Variants in RGS7 observed in about 807,000 individuals in gnomAD.
RGS7 encodes regulator of G protein signaling 7, also known as regulator of G-protein signaling 7.
In RGS7, 27 loss-of-function variants were observed where a neutral mutation model predicts 81.1. That is an observed-to-expected ratio of 0.33 (90% CI 0.25 to 0.46). The LOEUF is 0.46. Among genes scored for constraint, RGS7 ranks in the 20% least tolerant of loss-of-function variants. The probability of loss-of-function intolerance (pLI) is 1.00; values close to 1 mark genes in which losing one functional copy is unlikely to be tolerated. For synonymous variants in RGS7, 208 were observed against 207.7 expected (o/e 1.00, Z -0.01); for missense variants, 396 against 607.4 (o/e 0.65, Z 3.66).
At chr1:241,003,830 C>T (rs974285394) in intron 3 of RGS7, among the ~76,000 whole-genome samples, 4 of 152,128 alleles carry the variant, frequency 2.6e-5, no homozygotes, top group Non-Finnish European at 4.4e-5. Context: ...CTCACTGCAA[C>T]CTCCGCCTCC....
chr1:241,201,975 C>T (rs2073533281), intron 2 of RGS7, among the ~76,000 whole-genome samples: 1 of 149,250 alleles, frequency 6.7e-6, no homozygotes. Flanking sequence ...TATTTCAGCC[C>T]ACTACCTCAA....
chr1:240,937,253 C>G (rs975899304), intron 4 of RGS7, among the ~76,000 whole-genome samples: 1 of 152,194 alleles, frequency 6.6e-6, no homozygotes, highest in African/African-American at 2.4e-5. Context: ...TCGGTGTGCT[C>G]TCGCAGTGGC....
chr1:241,131,615 TA>T (rs1348244195), intron 2 of RGS7, among the ~76,000 whole-genome samples: 2 of 152,092 alleles, frequency 1.3e-5, no homozygotes, highest in East Asian at 3.8e-4. Flanking sequence ...GAAAAGCATT[TA>T]AAAAGCAAAA....
intron 3 of RGS7, among the ~76,000 whole-genome samples, chr1:241,056,069 C>T (rs2061463740): frequency 6.6e-6 from 1 of 152,088 alleles, no homozygotes; most frequent in South Asian, 2.1e-4. Flanking sequence ...ATGATCTGGC[C>T]CATGACTACC....
chr1:241,055,704 G>A (rs2061442952), intron 3 of RGS7, among the ~76,000 whole-genome samples: 1 of 152,146 alleles, frequency 6.6e-6, no homozygotes, highest in Non-Finnish European at 1.5e-5. Context: ...GATTTTTATG[G>A]AGGCATCATT....
chr1:241,145,930 C>T (rs1003942371), intron 2 of RGS7, among the ~76,000 whole-genome samples: 1 of 152,100 alleles, frequency 6.6e-6, no homozygotes, highest in South Asian at 2.1e-4. Flanking sequence ...GAGGAAGATA[C>T]AAGATAAGAT....
At chr1:241,354,075 G>A (rs1050587404) in intron 2 of RGS7, among the ~76,000 whole-genome samples, 14 of 152,074 alleles carry the variant, frequency 9.2e-5, no homozygotes, top group African/African-American at 3.4e-4. Context: ...TAGCCTAACG[G>A]AAATAGCTTA....
chr1:241,231,515 C>T (rs765293278), intron 2 of RGS7, among the ~76,000 whole-genome samples: 26 of 151,766 alleles, frequency 1.7e-4, no homozygotes, highest in African/African-American at 5.8e-4. Context: ...CGCACCACCA[C>T]GCCTGGCTAA....
At chr1:241,032,918 T>G (rs1186861877) in intron 3 of RGS7, among the ~76,000 whole-genome samples, 1 of 152,194 alleles carries the variant, frequency 6.6e-6, no homozygotes, top group Non-Finnish European at 1.5e-5. Context: ...GATCATATTG[T>G]CAGCAAGCAG....
intron 2 of RGS7, among the ~76,000 whole-genome samples, chr1:241,229,962 G>A (rs1217601436): frequency 1.3e-5 from 2 of 152,152 alleles, no homozygotes; most frequent in African/African-American, 2.4e-5. Flanking sequence ...AGATAACCTC[G>A]GAAGTTCAGC....
intron 6 of RGS7, among the ~76,000 whole-genome samples, chr1:240,903,002 T>C (rs1157407631): frequency 6.6e-6 from 1 of 152,230 alleles, no homozygotes; most frequent in Non-Finnish European, 1.5e-5. Context: ...GAAAGTTTTC[T>C]ACAGGGAATA....
At chr1:241,026,791 G>C (rs530835843) in intron 3 of RGS7, among the ~76,000 whole-genome samples, 2 of 150,064 alleles carry the variant, frequency 1.3e-5, no homozygotes, top group Admixed American at 1.3e-4. Context: ...AGTCTGGTGA[G>C]TGAGAGGGAC....
intron 2 of RGS7, among the ~76,000 whole-genome samples, chr1:241,251,082 G>A (rs920984042): frequency 4.6e-5 from 7 of 151,960 alleles, no homozygotes; most frequent in African/African-American, 1.4e-4. Flanking sequence ...TTCTGTTTTC[G>A]CATTAAATCG....
intron 9 of RGS7, among the ~76,000 whole-genome samples, chr1:240,853,029 T>C (rs1018555326): frequency 2.6e-5 from 4 of 152,214 alleles, no homozygotes. Context: ...AACCACACAA[T>C]TACATAAATC....
At chr1:241,063,682 ATAT>A (rs1178384362) in intron 3 of RGS7, among the ~76,000 whole-genome samples, 1 of 152,120 alleles carries the variant, frequency 6.6e-6, no homozygotes, top group Non-Finnish European at 1.5e-5. Context: ...TACAATTATA[ATAT>A]TCACCCATCC....
At chr1:241,353,401 A>G (rs989336550) in intron 2 of RGS7, among the ~76,000 whole-genome samples, 15 of 152,362 alleles carry the variant, frequency 9.8e-5, no homozygotes, top group African/African-American at 3.4e-4. Context: ...ACACAGATAA[A>G]GACCATTTGA....
At chr1:241,047,361 C>T (rs2060990145) in intron 3 of RGS7, among the ~76,000 whole-genome samples, 2 of 152,098 alleles carry the variant, frequency 1.3e-5, no homozygotes, top group African/African-American at 4.8e-5. Context: ...CCTTTCTTTT[C>T]CTCTTTCTTT....
intron 3 of RGS7, among the ~76,000 whole-genome samples, chr1:241,083,419 T>C (rs971664819): frequency 8.5e-5 from 13 of 152,258 alleles, no homozygotes; most frequent in African/African-American, 3.1e-4. Flanking sequence ...TAGGGGAATA[T>C]AGACTCTTTC....
chr1:241,225,836 T>C (rs567525100), intron 2 of RGS7, among the ~76,000 whole-genome samples: 1 of 152,162 alleles, frequency 6.6e-6, no homozygotes, highest in Non-Finnish European at 1.5e-5. Context: ...TATGCCAGCT[T>C]TCAAATTGCA....
Sources: gnomAD v4.1 joint callset for allele counts (sites outside exome capture counted in the v4.1 genomes callset) on GRCh38, gnomAD v4.1.1 for gene constraint, MANE v1.5 for transcripts, NCBI Gene and HGNC (gene_info 2026-07-23, HGNC 2026-07-21) for gene names.